Variants in FAM185A observed in about 807,000 individuals in gnomAD.
FAM185A encodes protein FAM185A.
FAM185A carries 21 observed loss-of-function variants against 45.7 expected under a neutral mutation model. The ratio of observed to expected loss-of-function variants is 0.46; its 90% CI spans 0.33 to 0.66. The LOEUF is 0.66. Among genes scored for constraint, FAM185A ranks in the 30% least tolerant of loss-of-function variants. The pLI is 0.03. For synonymous variants in FAM185A, 117 were observed against 194.0 expected, an observed-to-expected ratio of 0.60 and a Z score of 3.30; for missense variants, 305 against 485.4, an observed-to-expected ratio of 0.63 and a Z score of 3.49.
chr7:102,840,497 G>T, the FAM185A span, among the ~76,000 whole-genome samples: 1 of 152,176 alleles, frequency 6.6e-6, no homozygotes, highest in Admixed American at 6.5e-5. Context: ...AGAGTTGATG[G>T]GTGTCTATTT....
At position 102,758,459 on chromosome 7, in the gene FAM185A, T is replaced by TTTTTTTTA. The variant is rs1554364935; in HGVS notation, c.654+513_654+514insTTTTTTTA. Among the ~76,000 whole-genome samples the TTTTTTTTA allele has an allele frequency of 7.4e-5, 8 of 107,448 alleles. 1 individual carries two copies. Among genetic ancestry groups the TTTTTTTTA allele is most frequent in the Admixed American group, 2.2e-4 (2 of 8,898 alleles). 70.5% of individuals were successfully genotyped at this position (107,448 alleles called of 152,430 possible). On this transcript the variant is annotated intron_variant, in intron 3 of 7. Transcript: ENST00000413034. Reference sequence around the variant, plus strand: ...TTTTTTTTTTTTTTTTTTTTTTTTTTATAGTAGCTATTGGGATTTTTGTTG... The same window carrying TTTTTTTTA: ...TTTTTTTTTTTTTTTTTTTTTTTTTTTTTTTTTAATAGTAGCTATTGGGATTTTTGTTG...
At chr7:102,767,438 A>C (rs1794479866) in intron 4 of FAM185A, among the ~76,000 whole-genome samples, 3 of 152,196 alleles carry the variant, frequency 2.0e-5, no homozygotes, top group Non-Finnish European at 4.4e-5. Context: ...GTAGTTTAGC[A>C]GTACTTTTAT....
the FAM185A span, among the ~76,000 whole-genome samples, chr7:102,850,156 A>G: frequency 6.6e-6 from 1 of 152,212 alleles, no homozygotes; most frequent in Admixed American, 6.5e-5. Context: ...TCATATAGTT[A>G]CCAAATGGGT....
At chr7:102,825,871 T>C in the FAM185A span, among the ~76,000 whole-genome samples, 5 of 152,242 alleles carry the variant, frequency 3.3e-5, no homozygotes, top group African/African-American at 1.2e-4. Context: ...ATTGTGACCA[T>C]AGGCAAGTTG....
intron 5 of FAM185A, among the ~76,000 whole-genome samples, chr7:102,775,017 T>G (rs543516051): frequency 3.9e-5 from 6 of 152,184 alleles, no homozygotes; most frequent in South Asian, 2.1e-4. Flanking sequence ...TTTGTTTTTT[T>G]TTTTTGCTTT....
intron 7 of FAM185A, among the ~76,000 whole-genome samples, chr7:102,794,106 G>A (rs1796306927): frequency 6.6e-6 from 1 of 151,678 alleles, no homozygotes; most frequent in East Asian, 1.9e-4. Context: ...CAGGCCCCTG[G>A]CCAGATTTGG....
chr7:102,760,123 G>A (rs529601258), intron 3 of FAM185A, among the ~76,000 whole-genome samples: 13 of 152,200 alleles, frequency 8.5e-5, no homozygotes, highest in African/African-American at 3.1e-4. Flanking sequence ...GTGAATTGAT[G>A]ACATAGTTGT....
intron 7 of FAM185A, among the ~76,000 whole-genome samples, chr7:102,789,289 A>T (rs1439691404): frequency 6.6e-6 from 1 of 152,174 alleles, no homozygotes; most frequent in African/African-American, 2.4e-5. Flanking sequence ...GCTAATTTTT[A>T]AAAAGTTTTT....
chr7:102,813,174 A>C (rs1296950219), downstream of FAM185A: 3 of 671,164 alleles, frequency 4.5e-6, no homozygotes, highest in Non-Finnish European at 7.3e-6. Context: ...ATTTAGACAG[A>C]AGAACTACTG....
At chr7:102,784,410 T>G (rs1235143076) in intron 6 of FAM185A, among the ~76,000 whole-genome samples, 7 of 152,148 alleles carry the variant, frequency 4.6e-5, no homozygotes, top group Non-Finnish European at 8.8e-5. Flanking sequence ...ATATTCCTGA[T>G]GAACATCGAT....
chr7:102,808,313 C>T lies in FAM185A; in HGVS notation c.1090C>T (p.Arg364Cys), dbSNP rs145625209. 1,169 of 1,551,584 alleles carry T rather than the reference C, an allele frequency of 7.5e-4. No homozygotes were observed. The highest frequency in any genetic ancestry group is 8.5e-4 in the Non-Finnish European group (973 of 1,146,902). ...AGGACTCATGAATCAAGCAAGCAAA[C>T]GTGAAAAATGGATTAAGGCTGATGC... ...VTGLMNQASK[R>C]EKWIKADAPK... The change falls in exon 8 of 8, where the codon CGT becomes TGT. Residue 364 changes from arginine to cysteine, a missense_variant. By Grantham distance (180) the Arg-to-Cys change is radical (BLOSUM62 -3). Transcript: ENST00000413034.
the FAM185A span, among the ~76,000 whole-genome samples, chr7:102,828,506 G>C: frequency 1.3e-5 from 2 of 152,150 alleles, no homozygotes; most frequent in East Asian, 3.9e-4. Flanking sequence ...GGGAATCCCA[G>C]AATTAGCAAA....
chr7:102,847,233 C>G, the FAM185A span, among the ~76,000 whole-genome samples: 1 of 151,668 alleles, frequency 6.6e-6, no homozygotes, highest in Non-Finnish European at 1.5e-5. Flanking sequence ...TACCCCTGCT[C>G]TAGGGTGCAA....
At chr7:102,842,392 C>T in the FAM185A span, among the ~76,000 whole-genome samples, 3 of 152,168 alleles carry the variant, frequency 2.0e-5, no homozygotes, top group East Asian at 3.8e-4. Flanking sequence ...ATGGAGCCAA[C>T]ACATCTAATC....
chr7:102,848,125 A>C, the FAM185A span, among the ~76,000 whole-genome samples: 1 of 152,072 alleles, frequency 6.6e-6, no homozygotes, highest in Admixed American at 6.6e-5. Context: ...ATGAAACCTG[A>C]TTTTCTCCTG....
At chr7:102,820,338 G>A in the FAM185A span, among the ~76,000 whole-genome samples, 1 of 152,240 alleles carries the variant, frequency 6.6e-6, no homozygotes, top group African/African-American at 2.4e-5. Flanking sequence ...AGACAAAATA[G>A]GCCTTCGGCT....
chr7:102,847,245 C>T, the FAM185A span, among the ~76,000 whole-genome samples: 1 of 151,414 alleles, frequency 6.6e-6, no homozygotes, highest in Non-Finnish European at 1.5e-5. Flanking sequence ...AGGGTGCAAG[C>T]TCCTGTCTGC....
chr7:102,792,947 A>T (rs1323356091), intron 7 of FAM185A, among the ~76,000 whole-genome samples: 1 of 152,190 alleles, frequency 6.6e-6, no homozygotes, highest in Non-Finnish European at 1.5e-5. Context: ...TTCTCTCCAA[A>T]TCGGGAAAAA....
the FAM185A span, chr7:102,834,513 T>C: frequency 2.7e-5 from 4 of 149,990 alleles, no homozygotes; most frequent in African/African-American, 9.7e-5. Flanking sequence ...TCTCTAGCTA[T>C]CTCTAAGATT....
Sources: gnomAD v4.1 joint callset for allele counts (sites outside exome capture counted in the v4.1 genomes callset) on GRCh38, gnomAD v4.1.1 for gene constraint, MANE v1.5 for transcripts, NCBI Gene and HGNC (gene_info 2026-07-23, HGNC 2026-07-21) for gene names.